Variants in NTSR1 observed in about 807,000 individuals in gnomAD.
The protein encoded by NTSR1 is neurotensin receptor 1.
NTSR1 carries 29 observed loss-of-function variants against 31.2 expected under a neutral mutation model. That is an observed-to-expected ratio of 0.93 (90% CI 0.69 to 1.27). The LOEUF (loss-of-function observed/expected upper bound fraction) is 1.27, where lower values mean the gene tolerates loss of function less well. Among genes scored for constraint, NTSR1 ranks in the 50% most tolerant of loss-of-function variants. The pLI is 0.00. For synonymous variants in NTSR1, 282 were observed against 269.9 expected, an observed-to-expected ratio of 1.04 and a Z score of -0.44; for missense variants, 697 against 595.4, an observed-to-expected ratio of 1.17 and a Z score of -1.78.
rs702120 is a variant in NTSR1 at position 62,761,876 on chromosome 20, A to G, written c.*1609A>G. ...CAGGACCCTTCGGCTCACCAAGAAC[A>G]GGGCCCAGGGGAGTCAGGCCTATTC... On this transcript the variant is annotated 3_prime_UTR_variant, in exon 4 of 4. Coordinates refer to ENST00000370501, the MANE Select transcript of NTSR1 (RefSeq NM_002531.3). 151,959 of 152,294 alleles carry G rather than the reference A, an allele frequency of 1. 75,813 individuals carry two copies. Among genetic ancestry groups the G allele is most frequent in the Middle Eastern group, 1 (294 of 294 alleles). 9.4% of individuals were successfully genotyped at this position (152,294 alleles called of 1,614,324 possible).
intron 1 of NTSR1, among the ~76,000 whole-genome samples, chr20:62,720,879 T>G (rs1988817842): frequency 6.6e-6 from 1 of 152,224 alleles, no homozygotes; most frequent in Non-Finnish European, 1.5e-5. Context: ...TGAGATTCCC[T>G]CTTTAACCTT....
chr20:62,742,807 G>A lies in NTSR1; in HGVS notation c.715-11878G>A. Among the ~76,000 whole-genome samples, 1 of 148,838 alleles carries A rather than the reference G, an allele frequency of 6.7e-6. No individual in the cohort carries two copies. Among genetic ancestry groups the A allele is most frequent in the Non-Finnish European group, 1.5e-5 (1 of 67,892 alleles). ...CCTGGCACCCCACCTCTGGCATGGG[G>A]AGCAGAGACCCACCAGGGTTCCCAT... On this transcript the variant is annotated intron_variant, in intron 1 of 3. Transcript: ENST00000370501. The surrounding 1 kb of genome is among the most constrained non-coding windows in gnomAD (Gnocchi z 7.1).
At chr20:62,746,268 G>A (rs778391916) in intron 1 of NTSR1, among the ~76,000 whole-genome samples, 2 of 152,196 alleles carry the variant, frequency 1.3e-5, no homozygotes, top group Non-Finnish European at 2.9e-5. Context: ...TAGGGTCCCT[G>A]TAGGCTTGTG....
Position 62,709,239 on chromosome 20 carries a change from C to T in NTSR1, c.32C>T (p.Pro11Leu), listed in dbSNP as rs1470757486. ...CTCAACAGCTCCGCGCCGGGAACCC[C>T]GGGCACGCCGGCCGCCGACCCCTTC... MRLNSSAPGT[P>L]GTPAADPFQR... The change falls in exon 1 of 4, where the codon CCG (proline) becomes CTG (leucine). Residue 11 changes from proline to leucine, a missense_variant. Pro to Leu is a moderately conservative substitution (Grantham distance 98, BLOSUM62 -3). Transcript: ENST00000370501. 1 of 1,502,644 alleles carries T rather than the reference C, an allele frequency of 6.7e-7. No homozygotes were observed. The highest frequency in any genetic ancestry group is 1.3e-5 in the South Asian group (1 of 78,370). 93.1% of individuals were successfully genotyped at this position (1,502,644 alleles called of 1,614,324 possible). A position where few individuals can be genotyped will look rare whatever the true frequency, so the allele number is the denominator to read the frequency against.
At position 62,709,034 on chromosome 20, in the gene NTSR1, C is replaced by T. The variant is rs909301690; in HGVS notation, c.-174C>T. On this transcript the variant is annotated 5_prime_UTR_variant, in exon 1 of 4. Transcript: ENST00000370501. ...AGAGCGGAGCCCGGAGCCCGGAGCC[C>T]GGGGCGGCGCGTCTGGGTCTGGCGC... 2.3e-5 allele frequency: 11 copies of T among 479,604 alleles called. 1 individual carries two copies. The South Asian group carries it at 5.0e-4, about 22-fold the overall frequency. The allele number at this position is 479,604 out of a possible 1,614,324, so 29.7% of individuals were successfully genotyped here.
chr20:62,748,229 TA>T (rs1375585430), intron 1 of NTSR1, among the ~76,000 whole-genome samples: 1 of 151,110 alleles, frequency 6.6e-6, no homozygotes, highest in Non-Finnish European at 1.5e-5. Flanking sequence ...AGAGTAAATT[TA>T]ATCAAGGAAG....
chr20:62,710,024 C>T (rs1202914362), intron 1 of NTSR1, 103 bp downstream of exon 1: 2 of 1,004,678 alleles, frequency 2.0e-6, no homozygotes, highest in Non-Finnish European at 2.9e-6. Flanking sequence ...GTCACAGAGA[C>T]AGTCTACTCC....
At chr20:62,725,017 C>A (rs1988882132) in intron 1 of NTSR1, among the ~76,000 whole-genome samples, 1 of 152,242 alleles carries the variant, frequency 6.6e-6, no homozygotes. Flanking sequence ...ACACAGGTTC[C>A]AATGGACGTA....
At chr20:62,726,315 C>A (rs1229017889) in intron 1 of NTSR1, among the ~76,000 whole-genome samples, 2 of 152,216 alleles carry the variant, frequency 1.3e-5, no homozygotes, top group African/African-American at 4.8e-5. Context: ...GATCGGCCTG[C>A]GTCTGTCAAT....
chr20:62,748,417 T>C (rs1338172662), intron 1 of NTSR1, among the ~76,000 whole-genome samples: 2 of 148,396 alleles, frequency 1.3e-5, no homozygotes, highest in Non-Finnish European at 3.0e-5. Flanking sequence ...TACACAGAAA[T>C]AGAAAAAAAA....
chr20:62,745,667 A>G lies in NTSR1; in HGVS notation c.715-9018A>G, dbSNP rs1600731523. Among the ~76,000 whole-genome samples the G allele has an allele frequency of 6.6e-6, 1 of 152,248 alleles. No individual in the cohort carries two copies. Among genetic ancestry groups the G allele is most frequent in the African/African-American group, 2.4e-5 (1 of 41,470 alleles). ...TCACAGGAGAAAGATACAAAGACAG[A>G]CAGAGACACATATTCTGCCTCGCCT... On this transcript the variant is annotated intron_variant, in intron 1 of 3. Transcript: ENST00000370501. This position sits in a 1 kb window ranked among gnomAD's most constrained non-coding sequence, Gnocchi z 4.1.
At chr20:62,755,916 C>T (rs1199990895) in intron 2 of NTSR1, among the ~76,000 whole-genome samples, 3 of 127,072 alleles carry the variant, frequency 2.4e-5, no homozygotes, top group Non-Finnish European at 3.3e-5. Flanking sequence ...TCCATCCCTC[C>T]TTCCATCCCT....
chr20:62,746,700 T>G (rs1395466630), intron 1 of NTSR1, among the ~76,000 whole-genome samples: 2 of 152,186 alleles, frequency 1.3e-5, no homozygotes, highest in Non-Finnish European at 2.9e-5. Context: ...ACTCACAAGC[T>G]TCCTAGAGTC....
chr20:62,719,238 G>A (rs1388538777), intron 1 of NTSR1, among the ~76,000 whole-genome samples: 1 of 151,980 alleles, frequency 6.6e-6, no homozygotes, highest in African/African-American at 2.4e-5. Flanking sequence ...CATCGTGAAT[G>A]AATGTTAAAT....
At chr20:62,718,156 G>A (rs573805114) in intron 1 of NTSR1, among the ~76,000 whole-genome samples, 5 of 152,312 alleles carry the variant, frequency 3.3e-5, no homozygotes, top group Admixed American at 2.0e-4. Flanking sequence ...ATCATGCCTC[G>A]TAGACCTCGC....
At position 62,709,269 on chromosome 20, in the gene NTSR1, G is replaced by C. The variant is rs1353382348; in HGVS notation, c.62G>C (p.Arg21Pro). ...PGTPAADPFQ[R>P]AQAGLEEALL... is the part of the protein sequence containing the mutation. Reference sequence around the variant, plus strand: ...ACGCCGGCCGCCGACCCCTTCCAGCGGGCGCAGGCCGGACTGGAGGAGGCG... The same window carrying C: ...ACGCCGGCCGCCGACCCCTTCCAGCCGGCGCAGGCCGGACTGGAGGAGGCG... The change falls in exon 1 of 4, where the codon CGG (arginine) becomes CCG (proline). Residue 21 changes from arginine to proline, a missense_variant. Physicochemically the swap from Arg to Pro is moderately radical, Grantham distance 103. Transcript: ENST00000370501. The C allele has an allele frequency of 6.4e-7, 1 of 1,557,802 alleles. No homozygotes were observed. Among genetic ancestry groups the C allele is most frequent in the Non-Finnish European group, 8.6e-7 (1 of 1,157,760 alleles).
chr20:62,732,119 C>CAA lies in NTSR1; in HGVS notation c.714+22213_714+22214dup, dbSNP rs11484429. ...TGGGCGACAGAGTGAGACTCCATTT[C>CAA]AAAAAAAAAAAAAAAATTACACTGT... On this transcript the variant is annotated intron_variant, in intron 1 of 3. Coordinates refer to ENST00000370501, the MANE Select transcript of NTSR1 (RefSeq NM_002531.3). This position sits in a 1 kb window ranked among gnomAD's most constrained non-coding sequence, Gnocchi z 4.0. Among the ~76,000 whole-genome samples the CAA allele has an allele frequency of 0.051, 7,445 of 145,186 alleles. 511 individuals are homozygous for CAA. The highest frequency in any genetic ancestry group is 0.29 in the East Asian group (1,442 of 4,904).
In NTSR1 at chr20:62,726,933, G is replaced by A. The variant is rs564156789; in HGVS notation, c.714+17012G>A. Reference sequence around the variant, plus strand: ...GGGATGGTTTTGAGAACCAGGTGACGGCAGGTGCACCTGTCCTCTGAGCCC... The same window carrying A: ...GGGATGGTTTTGAGAACCAGGTGACAGCAGGTGCACCTGTCCTCTGAGCCC... On this transcript the variant is annotated intron_variant, in intron 1 of 3. Transcript: ENST00000370501. Among the ~76,000 whole-genome samples the A allele has an allele frequency of 1.1e-4, 17 of 152,300 alleles. 1 individual carries two copies. The South Asian group carries it at 2.7e-3, about 24-fold the overall frequency.
intron 1 of NTSR1, among the ~76,000 whole-genome samples, chr20:62,753,438 G>A (rs1989427359): frequency 6.6e-6 from 1 of 152,206 alleles, no homozygotes; most frequent in Non-Finnish European, 1.5e-5. Flanking sequence ...GGCCCCTGCA[G>A]CCCAGCCCAG....
Sources: gnomAD v4.1 joint callset for allele counts (sites outside exome capture counted in the v4.1 genomes callset) on GRCh38, gnomAD v4.1.1 for gene constraint, Gnocchi (gnomAD v3.1) non-coding constraint, MANE v1.5 for transcripts, NCBI Gene and HGNC (gene_info 2026-07-23, HGNC 2026-07-21) for gene names.